PPP2R3A: variants seen among roughly 807,000 people sequenced by gnomAD.
The protein encoded by PPP2R3A is protein phosphatase 2 regulatory subunit B''alpha.
PPP2R3A carries 80 observed loss-of-function variants against 106.9 expected under a neutral mutation model. That is an observed-to-expected ratio of 0.75 (90% CI 0.62 to 0.90). PPP2R3A has a LOEUF of 0.90. PPP2R3A is among the 40% of genes least tolerant of loss of function. PPP2R3A has a pLI of 0.00. For missense variants in PPP2R3A, 1,386 were observed against 1,350.4 expected (o/e 1.03, Z -0.41); for synonymous variants, 483 against 468.3 (o/e 1.03, Z -0.41).
At chr3:136,044,198 A>G (rs900265666) in intron 4 of PPP2R3A, among the ~76,000 whole-genome samples, 5 of 152,208 alleles carry the variant, frequency 3.3e-5, no homozygotes, top group Non-Finnish European at 7.3e-5. Context: ...AGCCTTAAGC[A>G]TGTTGAGGAA....
intron 5 of PPP2R3A, among the ~76,000 whole-genome samples, chr3:136,067,171 C>CAG (rs766441731): frequency 2.0e-5 from 3 of 152,022 alleles, no homozygotes; most frequent in Non-Finnish European, 4.4e-5. Context: ...TTTGAAAATT[C>CAG]AGAAAAATTA....
intron 2 of PPP2R3A, among the ~76,000 whole-genome samples, chr3:136,015,703 CTTCTT>C (rs1934244703): frequency 6.6e-6 from 1 of 151,658 alleles, no homozygotes; most frequent in African/African-American, 2.4e-5. Context: ...GATCGTCTCT[CTTCTT>C]TTCTCGGTTA....
At chr3:136,132,046 G>A (rs920467734) in intron 13 of PPP2R3A, among the ~76,000 whole-genome samples, 3 of 151,970 alleles carry the variant, frequency 2.0e-5, no homozygotes, top group African/African-American at 7.3e-5. Context: ...GATAGCATTG[G>A]GAGAGATACC....
At chr3:136,144,191 G>C (rs1939003803) in intron 13 of PPP2R3A, among the ~76,000 whole-genome samples, 1 of 152,252 alleles carries the variant, frequency 6.6e-6, no homozygotes, top group Non-Finnish European at 1.5e-5. Flanking sequence ...AGGTTTAGCA[G>C]AAGGACATCT....
intron 3 of PPP2R3A, among the ~76,000 whole-genome samples, chr3:136,039,598 C>T (rs1935194920): frequency 6.6e-6 from 1 of 151,980 alleles, no homozygotes; most frequent in Non-Finnish European, 1.5e-5. Context: ...TCTCCTATAA[C>T]AATCTGATGC....
rs1576346791 is a variant in PPP2R3A at position 136,145,587 on chromosome 3, G to T, written c.*421G>T. On this transcript the variant is annotated 3_prime_UTR_variant, in exon 14 of 14. Transcript: ENST00000264977. Reference sequence around the variant, plus strand: ...AGAAAACTTGAGTCAGAAAATTCTGGAACTTGAAAAAGTAGTAAGGGCCTC... The same window carrying T: ...AGAAAACTTGAGTCAGAAAATTCTGTAACTTGAAAAAGTAGTAAGGGCCTC... 6.5e-6 allele frequency: 1 copy of T among 153,038 alleles called. No individual in the cohort carries two copies. The highest frequency in any genetic ancestry group is 1.5e-5 in the Non-Finnish European group (1 of 68,400). The allele number at this position is 153,038 out of a possible 1,614,324, so 9.5% of individuals were successfully genotyped here. A position where few individuals can be genotyped will look rare whatever the true frequency, so the allele number is the denominator to read the frequency against.
In PPP2R3A at chr3:136,014,388, A is replaced by G. The variant is rs1490388084; in HGVS notation, c.1995+10895A>G. 2.0e-5 allele frequency among the ~76,000 whole-genome samples: 3 copies of G among 152,194 alleles called. No homozygotes were observed. In the East Asian group the frequency reaches 5.8e-4, roughly 29 times the overall value. On this transcript the variant is annotated intron_variant, in intron 2 of 13. Coordinates refer to ENST00000264977, the MANE Select transcript of PPP2R3A (RefSeq NM_002718.5). ...GGTATTTTGACTGGAATTGCATTGA[A>G]TATGTAGATTGCTTTTGGCAGAATG...
At chr3:136,110,579 T>C (rs1937578731) in intron 13 of PPP2R3A, among the ~76,000 whole-genome samples, 1 of 152,166 alleles carries the variant, frequency 6.6e-6, no homozygotes, top group Non-Finnish European at 1.5e-5. Flanking sequence ...GAATCAGCAA[T>C]TTTTTTCTAA....
At chr3:136,133,444 A>G (rs1308810513) in intron 13 of PPP2R3A, among the ~76,000 whole-genome samples, 1 of 152,182 alleles carries the variant, frequency 6.6e-6, no homozygotes, top group Non-Finnish European at 1.5e-5. Context: ...GAGATATACT[A>G]CACAGCCACT....
At chr3:136,049,234 TC>T (rs756116643) in intron 4 of PPP2R3A, 24 bp from the exon 5 acceptor site, 1 of 1,535,700 alleles carries the variant, frequency 6.5e-7, no homozygotes, top group East Asian at 2.2e-5. Flanking sequence ...GAACTAATCT[TC>T]CTAAGCAGTT....
intron 2 of PPP2R3A, among the ~76,000 whole-genome samples, chr3:136,005,124 T>TGAC (rs1463709667): frequency 6.6e-6 from 1 of 152,190 alleles, no homozygotes; most frequent in Non-Finnish European, 1.5e-5. Flanking sequence ...GCACCTGACC[T>TGAC]TGTGACAGGT....
chr3:136,046,454 C>CAA (rs35307516), intron 4 of PPP2R3A, among the ~76,000 whole-genome samples: 1 of 127,878 alleles, frequency 7.8e-6, no homozygotes, highest in Admixed American at 8.2e-5. Context: ...AACTCCATCT[C>CAA]AAAAAAAAAA....
chr3:135,974,502 C>CA (rs777740581), intron 1 of PPP2R3A, among the ~76,000 whole-genome samples: 30 of 152,212 alleles, frequency 2.0e-4, no homozygotes, highest in Non-Finnish European at 3.1e-4. Context: ...AATCTGAACT[C>CA]CTCTTTGTCT....
chr3:136,024,580 T>A (rs1934582291), intron 2 of PPP2R3A, among the ~76,000 whole-genome samples: 1 of 152,154 alleles, frequency 6.6e-6, no homozygotes, highest in Non-Finnish European at 1.5e-5. Context: ...ATATCACTTA[T>A]TTCTGTCAAA....
At chr3:136,000,228 T>C (rs1247452129) in intron 1 of PPP2R3A, among the ~76,000 whole-genome samples, 1 of 152,200 alleles carries the variant, frequency 6.6e-6, no homozygotes, top group African/African-American at 2.4e-5. Flanking sequence ...AGTTTATATG[T>C]TTAACTTGTA....
At chr3:135,984,451 A>C (rs547579079) in intron 1 of PPP2R3A, among the ~76,000 whole-genome samples, 1 of 152,162 alleles carries the variant, frequency 6.6e-6, no homozygotes, top group South Asian at 2.1e-4. Flanking sequence ...GCACAATCCT[A>C]GTAATATGGT....
intron 13 of PPP2R3A, among the ~76,000 whole-genome samples, chr3:136,113,808 A>AAG (rs563085407): frequency 2.0e-5 from 3 of 152,064 alleles, no homozygotes; most frequent in Admixed American, 6.5e-5. Context: ...AAAAAAAAAA[A>AAG]AGAGAGAGAC....
intron 1 of PPP2R3A, among the ~76,000 whole-genome samples, chr3:135,985,007 C>A (rs901345213): frequency 1.3e-5 from 2 of 152,012 alleles, no homozygotes; most frequent in Non-Finnish European, 2.9e-5. Flanking sequence ...AAAGACCTGC[C>A]CCCATGATTC....
chr3:135,972,064 C>T (rs1937262510), intron 1 of PPP2R3A, among the ~76,000 whole-genome samples: 3 of 152,178 alleles, frequency 2.0e-5, no homozygotes, highest in African/African-American at 4.8e-5. Flanking sequence ...GCCATCACCG[C>T]TAATTCTGGA....
Sources: gnomAD v4.1 joint callset for allele counts (sites outside exome capture counted in the v4.1 genomes callset) on GRCh38, gnomAD v4.1.1 for gene constraint, MANE v1.5 for transcripts, NCBI Gene and HGNC (gene_info 2026-07-23, HGNC 2026-07-21) for gene names.